The following CCDC38 variants were observed in gnomAD, a reference collection of about 807,000 sequenced individuals.
CCDC38 encodes coiled-coil domain containing 38, also known as coiled-coil domain-containing protein 38.
In CCDC38, 69 loss-of-function variants were observed where a neutral mutation model predicts 72.8. The ratio of observed to expected loss-of-function variants is 0.95; its 90% CI spans 0.78 to 1.16. CCDC38 has a LOEUF of 1.16. Ranked by LOEUF, CCDC38 falls within the 50% of genes most tolerant of loss-of-function variation. CCDC38 has a pLI of 0.00. For synonymous variants in CCDC38, 201 were observed against 213.2 expected, an observed-to-expected ratio of 0.94 and a Z score of 0.50; for missense variants, 626 against 638.9, an observed-to-expected ratio of 0.98 and a Z score of 0.22.
intron 5 of CCDC38, among the ~76,000 whole-genome samples, chr12:95,904,299 C>A (rs965672880): frequency 6.6e-6 from 1 of 152,096 alleles, no homozygotes; most frequent in African/African-American, 2.4e-5. Flanking sequence ...TACAAGTTAC[C>A]CAGAGTTAGC....
chr12:95,922,126 T>C (rs996632267), intron 2 of CCDC38, among the ~76,000 whole-genome samples: 1 of 152,150 alleles, frequency 6.6e-6, no homozygotes, highest in African/African-American at 2.4e-5. Flanking sequence ...GCTGGGATTA[T>C]AGAAACTCCA....
At chr12:95,904,196 T>C (rs2079978194) in intron 5 of CCDC38, among the ~76,000 whole-genome samples, 1 of 152,214 alleles carries the variant, frequency 6.6e-6, no homozygotes, top group African/African-American at 2.4e-5. Context: ...TATGTCAATG[T>C]TAATAATTTT....
chr12:95,890,135 T>G (rs2079808240), intron 9 of CCDC38, among the ~76,000 whole-genome samples: 1 of 152,136 alleles, frequency 6.6e-6, no homozygotes, highest in African/African-American at 2.4e-5. Context: ...TTGTCTTGAA[T>G]TCCTGGGCTC....
chr12:95,888,937 T>C (rs965967555), intron 9 of CCDC38: 3 of 172,982 alleles, frequency 1.7e-5, no homozygotes, highest in African/African-American at 9.6e-5. Flanking sequence ...CTCCAATAAA[T>C]ACACGGTGAG....
At chr12:95,906,490 C>T in intron 4 of CCDC38, 39 bp from the exon 5 acceptor site, 2 of 1,391,468 alleles carry the variant, frequency 1.4e-6, no homozygotes, top group Middle Eastern at 1.8e-4. Flanking sequence ...TTTAGTTCAT[C>T]ATCCTTAAAA....
At position 95,899,844 on chromosome 12, in the gene CCDC38, C is replaced by T. The variant is rs893083139; in HGVS notation, c.370-1113G>A. On this transcript the variant is annotated intron_variant, in intron 5 of 15. Transcript: ENST00000344280. Reference sequence around the variant, plus strand: ...TAAATAGAGTGATGAACCAAAGAAACATAAATGCTTGTATGGAGTGTCCAT... The same window carrying T: ...TAAATAGAGTGATGAACCAAAGAAATATAAATGCTTGTATGGAGTGTCCAT... 2.6e-5 allele frequency among the ~76,000 whole-genome samples: 4 copies of T among 152,048 alleles called. No individual in the cohort carries two copies. In the East Asian group the frequency reaches 5.8e-4, roughly 22 times the overall value.
At chr12:95,915,723 C>T (rs776968356) in intron 4 of CCDC38, among the ~76,000 whole-genome samples, 34 of 152,120 alleles carry the variant, frequency 2.2e-4, no homozygotes, top group Non-Finnish European at 4.6e-4. Context: ...TTAAAATGTC[C>T]AAATTGCTTA....
At chr12:95,894,896 TA>T (rs914108337) in intron 8 of CCDC38, 92 bp downstream of exon 8, 3 of 1,081,092 alleles carry the variant, frequency 2.8e-6, no homozygotes, top group South Asian at 3.3e-5. Flanking sequence ...AGATCCTGCT[TA>T]AAAAAATATC....
intron 8 of CCDC38, 27 bp downstream of exon 8, chr12:95,894,962 C>A: frequency 6.4e-7 from 1 of 1,554,692 alleles, no homozygotes; most frequent in South Asian, 1.2e-5. Flanking sequence ...ATATTTAGTT[C>A]ATGAAAGTTG....
chr12:95,893,505 G>T (rs1173101690), intron 8 of CCDC38, among the ~76,000 whole-genome samples: 2 of 129,886 alleles, frequency 1.5e-5, no homozygotes, highest in Non-Finnish European at 3.1e-5. Flanking sequence ...TCTTTTTTGA[G>T]ACAGGGTCTC....
rs60008366 is a variant in CCDC38 at position 95,898,502 on chromosome 12, G to GAAACAAAC, written c.534-45_534-38dup. ...TGAAGATCTGTTAATTTGCTTCTTA[G>GAAACAAAC]AAACAAACAAACAAACAAACAAACA... On this transcript the variant is annotated intron_variant, in intron 6 of 15. Coordinates refer to ENST00000344280, the MANE Select transcript of CCDC38 (RefSeq NM_182496.3). 4.2e-4 allele frequency: 675 copies of GAAACAAAC among 1,608,402 alleles called. 3 individuals carry two copies. The highest frequency in any genetic ancestry group is 1.7e-3 in the African/African-American group (126 of 74,482).
chr12:95,935,015 A>G (rs959362939), intron 2 of CCDC38: 3 of 152,110 alleles, frequency 2.0e-5, no homozygotes, highest in African/African-American at 7.2e-5. Context: ...CTAGTATCCC[A>G]TTATCCCATT....
intron 9 of CCDC38, among the ~76,000 whole-genome samples, chr12:95,890,601 G>A (rs1030574200): frequency 6.6e-6 from 1 of 152,226 alleles, no homozygotes; most frequent in African/African-American, 2.4e-5. Flanking sequence ...GCCAGCCAGG[G>A]TATGTCTCAG....
intron 1 of CCDC38, among the ~76,000 whole-genome samples, chr12:95,937,808 C>A (rs1324102473): frequency 6.6e-6 from 1 of 152,172 alleles, no homozygotes; most frequent in Non-Finnish European, 1.5e-5. Flanking sequence ...TATTGAGTAC[C>A]TACTATGTGT....
chr12:95,920,673 G>A, intron 2 of CCDC38, among the ~76,000 whole-genome samples: 1 of 152,096 alleles, frequency 6.6e-6, no homozygotes, highest in East Asian at 1.9e-4. Flanking sequence ...ATAGAAAGTA[G>A]GTGAGTAGTT....
intron 14 of CCDC38, 144 bp from the exon 15 acceptor site, chr12:95,869,717 G>A (rs562756840): frequency 1.3e-5 from 8 of 598,786 alleles, no homozygotes; most frequent in African/African-American, 1.2e-4. Flanking sequence ...ACTCATAACC[G>A]TGGCTTTTGA....
intron 5 of CCDC38, among the ~76,000 whole-genome samples, chr12:95,904,449 CTCA>C (rs1401893084): frequency 1.3e-5 from 2 of 152,232 alleles, no homozygotes; most frequent in African/African-American, 4.8e-5. Flanking sequence ...AGCTATTATA[CTCA>C]TGGGTATAGT....
chr12:95,891,392 C>G (rs2079825541), intron 8 of CCDC38, among the ~76,000 whole-genome samples: 1 of 152,176 alleles, frequency 6.6e-6, no homozygotes, highest in Non-Finnish European at 1.5e-5. Context: ...GTTACCCAGG[C>G]TGGAGTTCAG....
chr12:95,872,200 G>T, intron 14 of CCDC38, 55 bp downstream of exon 14: 1 of 1,515,700 alleles, frequency 6.6e-7, no homozygotes. Context: ...TGTGTTTGTG[G>T]AATCTGAGCA....
Sources: allele counts gnomAD v4.1 joint callset (sites outside exome capture counted in the v4.1 genomes callset), GRCh38; gene constraint gnomAD v4.1.1; transcripts MANE v1.5; gene names NCBI Gene and HGNC (gene_info 2026-07-23, HGNC 2026-07-21).